The following NAALADL2 variants were observed in gnomAD, a reference collection of about 807,000 sequenced individuals.
NAALADL2 encodes the protein inactive N-acetylated-alpha-linked acidic dipeptidase-like protein 2.
A neutral mutation model predicts 87.2 loss-of-function variants in NAALADL2; 76 were observed. The ratio of observed to expected loss-of-function variants is 0.87; its 90% CI spans 0.72 to 1.05. NAALADL2 has a LOEUF of 1.05. Among genes scored for constraint, NAALADL2 ranks in the 50% least tolerant of loss-of-function variants. The pLI is 0.00. For missense variants in NAALADL2, 1,089 were observed against 945.8 expected (o/e 1.15, Z -1.99); for synonymous variants, 354 against 331.0 (o/e 1.07, Z -0.75).
At chr3:175,670,540 A>AT (rs1733852917) in intron 11 of NAALADL2, among the ~76,000 whole-genome samples, 14 of 1,542 alleles carry the variant, frequency 9.1e-3, no homozygotes, top group South Asian at 0.022. Context: ...ATTTAATTAT[A>AT]TTATTTTACA....
chr3:174,669,196 C>G (rs912363916), intron 2 of NAALADL2, among the ~76,000 whole-genome samples: 2 of 152,152 alleles, frequency 1.3e-5, no homozygotes, highest in South Asian at 2.1e-4. Flanking sequence ...TTTCATGTGT[C>G]TTTTGGCTGC....
chr3:174,517,411 T>G (rs1029182256), intron 1 of NAALADL2, among the ~76,000 whole-genome samples: 1 of 152,108 alleles, frequency 6.6e-6, no homozygotes. Context: ...TTGAAAATAG[T>G]GTTGGTACAA....
At position 175,527,249 on chromosome 3, in the gene NAALADL2, G is replaced by C. The variant is rs543242450; in HGVS notation, c.1654-48792G>C. Among the ~76,000 whole-genome samples, 5 of 152,242 alleles carry C rather than the reference G, an allele frequency of 3.3e-5. No individual in the cohort carries two copies. The South Asian group carries it at 1.0e-3, about 32-fold the overall frequency. ...TGAAGGCTACATTAGCCAGTTTTCA[G>C]TGTGGCATATTTACCTGCCGTCATA... On this transcript the variant is annotated intron_variant, in intron 9 of 13. Transcript: ENST00000454872.
At chr3:174,509,249 A>G (rs936347906) in intron 1 of NAALADL2, among the ~76,000 whole-genome samples, 1 of 152,078 alleles carries the variant, frequency 6.6e-6, no homozygotes. Context: ...ATAAAGAAGG[A>G]TGTTAGCTGT....
intron 9 of NAALADL2, among the ~76,000 whole-genome samples, chr3:175,484,079 G>A (rs187955568): frequency 6.6e-6 from 1 of 152,110 alleles, no homozygotes; most frequent in African/African-American, 2.4e-5. Context: ...GGCAAGGGCT[G>A]AAATTATAAG....
intron 2 of NAALADL2, among the ~76,000 whole-genome samples, chr3:174,592,795 A>G (rs893021062): frequency 1.3e-5 from 2 of 151,976 alleles, no homozygotes; most frequent in African/African-American, 4.8e-5. Context: ...AATCCCCCAC[A>G]TAGGATCTAT....
At chr3:175,246,267 T>G (rs556155765) in intron 3 of NAALADL2, among the ~76,000 whole-genome samples, 342 of 152,294 alleles carry the variant, frequency 2.2e-3, no homozygotes, top group African/African-American at 8.1e-3. Context: ...AGTAGGAAAT[T>G]TCTAAAGCAG....
chr3:175,272,656 C>T (rs1753011963), intron 4 of NAALADL2, among the ~76,000 whole-genome samples: 1 of 151,988 alleles, frequency 6.6e-6, no homozygotes, highest in South Asian at 2.1e-4. Context: ...CCCTCTCTAT[C>T]CCACAAAATA....
At chr3:174,806,645 A>G (rs1719538255) in intron 3 of NAALADL2, among the ~76,000 whole-genome samples, 1 of 152,242 alleles carries the variant, frequency 6.6e-6, no homozygotes, top group Non-Finnish European at 1.5e-5. Flanking sequence ...ACAGATAATA[A>G]TTACCTGGAA....
chr3:174,701,017 AAC>A (rs1206057156), intron 2 of NAALADL2, among the ~76,000 whole-genome samples: 2 of 152,162 alleles, frequency 1.3e-5, no homozygotes, highest in Admixed American at 6.6e-5. Context: ...ACATTAAAGA[AAC>A]AGTCATGAAG....
Position 175,366,154 on chromosome 3 carries a change from C to T in NAALADL2, c.1090+41829C>T, listed in dbSNP as rs184311281. On this transcript the variant is annotated intron_variant, in intron 5 of 13. Coordinates refer to ENST00000454872, the MANE Select transcript of NAALADL2 (RefSeq NM_207015.3). ...ATAGTTTACTGAGAATGATGATTTC[C>T]AATTTCATCCATGTCCCTACAAAGC... Among the ~76,000 whole-genome samples, 292 of 143,570 alleles carry T rather than the reference C, an allele frequency of 2.0e-3. 17 individuals are homozygous for T. The highest frequency in any genetic ancestry group is 6.5e-3 in the African/African-American group (258 of 39,630). 94.2% of individuals were successfully genotyped at this position (143,570 alleles called of 152,430 possible). A position where few individuals can be genotyped will look rare whatever the true frequency, so the allele number is the denominator to read the frequency against.
chr3:174,599,322 G>A (rs999998927), intron 2 of NAALADL2, among the ~76,000 whole-genome samples: 42 of 152,032 alleles, frequency 2.8e-4, no homozygotes, highest in African/African-American at 9.4e-4. Flanking sequence ...TTTTAAAATG[G>A]CTATTTACTC....
intron 2 of NAALADL2, among the ~76,000 whole-genome samples, chr3:175,175,889 T>G (rs1735628058): frequency 6.6e-6 from 1 of 152,124 alleles, no homozygotes; most frequent in African/African-American, 2.4e-5. Flanking sequence ...AATATCTGCT[T>G]TATTTGTAAT....
chr3:175,633,788 T>C (rs938201848), intron 11 of NAALADL2, among the ~76,000 whole-genome samples: 1 of 151,614 alleles, frequency 6.6e-6, no homozygotes, highest in East Asian at 1.9e-4. Flanking sequence ...AGATTAATGA[T>C]ATAGGGCTTT....
intron 1 of NAALADL2, among the ~76,000 whole-genome samples, chr3:174,522,800 G>A (rs938410351): frequency 6.6e-6 from 1 of 151,840 alleles, no homozygotes; most frequent in African/African-American, 2.4e-5. Context: ...CGGGTGCGGT[G>A]GCGGGCGCCT....
chr3:174,442,171 C>T (rs1409073696), intron 1 of NAALADL2, among the ~76,000 whole-genome samples: 1 of 152,138 alleles, frequency 6.6e-6, no homozygotes, highest in Non-Finnish European at 1.5e-5. Context: ...AGATTCCGTT[C>T]CTGTCCTCAG....
intron 2 of NAALADL2, among the ~76,000 whole-genome samples, chr3:174,640,081 C>T (rs369939032): frequency 7.2e-5 from 11 of 152,114 alleles, no homozygotes; most frequent in East Asian, 5.8e-4. Flanking sequence ...TTTAAATCCA[C>T]GTTAGGGGGA....
intron 3 of NAALADL2, among the ~76,000 whole-genome samples, chr3:174,752,387 G>A (rs1191892040): frequency 4.6e-5 from 7 of 151,950 alleles, no homozygotes; most frequent in African/African-American, 1.7e-4. Flanking sequence ...AAGTTTTTAG[G>A]TTTTTATCTC....
chr3:174,672,595 C>T (rs1726667695), intron 2 of NAALADL2, among the ~76,000 whole-genome samples: 1 of 152,008 alleles, frequency 6.6e-6, no homozygotes, highest in Admixed American at 6.6e-5. Context: ...GGCCGAAATA[C>T]TTTCTAATGA....
Sources: gnomAD v4.1 joint callset for allele counts (sites outside exome capture counted in the v4.1 genomes callset) on GRCh38, gnomAD v4.1.1 for gene constraint, MANE v1.5 for transcripts, NCBI Gene and HGNC (gene_info 2026-07-23, HGNC 2026-07-21) for gene names.